The following FNBP1 variants were observed in gnomAD, a reference collection of about 807,000 sequenced individuals.
FNBP1 encodes the protein formin binding protein 1.
A neutral mutation model predicts 90.6 loss-of-function variants in FNBP1; 26 were observed. That is an observed-to-expected ratio of 0.29 (90% confidence interval 0.21 to 0.40). The LOEUF is 0.40. Ranked by LOEUF, FNBP1 falls within the 10% of genes least tolerant of loss-of-function variation. The pLI is 1.00. For missense variants in FNBP1, 635 were observed against 768.0 expected, an observed-to-expected ratio of 0.83 and a Z score of 2.05; for synonymous variants, 260 against 265.2, an observed-to-expected ratio of 0.98 and a Z score of 0.19.
At chr9:130,044,620 C>T (rs983144964), upstream of FNBP1, 1 of 151,456 alleles carries the variant, frequency 6.6e-6, no homozygotes, top group African/African-American at 2.4e-5. Flanking sequence ...CAGAGCAAGA[C>T]CCTGTCTCAA....
At chr9:130,046,983 A>C (rs897804586), upstream of FNBP1, among the ~76,000 whole-genome samples, 5 of 152,096 alleles carry the variant, frequency 3.3e-5, no homozygotes, top group Non-Finnish European at 7.4e-5. Context: ...TTCGTCAAAA[A>C]AGACAGATCA....
intron 4 of FNBP1, 111 bp downstream of exon 4, chr9:129,978,354 G>A (rs2050676319): frequency 1.1e-6 from 1 of 888,980 alleles, no homozygotes; most frequent in African/African-American, 1.7e-5. Context: ...TCAAAGGTAT[G>A]AGTTTAAGAC....
At chr9:129,935,697 C>T (rs2043330956) in intron 6 of FNBP1, among the ~76,000 whole-genome samples, 2 of 152,074 alleles carry the variant, frequency 1.3e-5, no homozygotes, top group African/African-American at 2.4e-5. Flanking sequence ...CCTTGTTAGC[C>T]AGGATGGTCT....
In FNBP1 at chr9:129,938,124, C is replaced by T. The variant is rs1465268556; in HGVS notation, c.514-8429G>A. Among the ~76,000 whole-genome samples, 3 of 152,220 alleles carry T rather than the reference C, an allele frequency of 2.0e-5. No individual in the cohort carries two copies. In the East Asian group the frequency reaches 5.8e-4, roughly 29 times the overall value. On this transcript the variant is annotated intron_variant, in intron 6 of 16. Coordinates refer to ENST00000446176, the MANE Select transcript of FNBP1 (RefSeq NM_015033.3). ...GTTGCACTGAGCCGAGATTGAGCCA[C>T]TGCACTCCAGCCTGGGCAACAGAGT...
chr9:130,053,617 C>T, the FNBP1 span: 3 of 410,246 alleles, frequency 7.3e-6, no homozygotes. Flanking sequence ...TCCCCGGAGC[C>T]CAAGGTCGCT....
chr9:129,897,222 T>C (rs924582709), intron 15 of FNBP1, among the ~76,000 whole-genome samples: 2 of 152,202 alleles, frequency 1.3e-5, no homozygotes, highest in African/African-American at 4.8e-5. Context: ...TATATGCAGT[T>C]TGTCAATGGC....
At chr9:129,998,262 G>A (rs560414226) in intron 1 of FNBP1, among the ~76,000 whole-genome samples, 1 of 150,948 alleles carries the variant, frequency 6.6e-6, no homozygotes, top group South Asian at 2.1e-4. Context: ...CCAGCACTTT[G>A]GGAGGCTGAG....
chr9:130,006,839 G>C (rs982409932), intron 1 of FNBP1, among the ~76,000 whole-genome samples: 1 of 152,068 alleles, frequency 6.6e-6, no homozygotes, highest in African/African-American at 2.4e-5. Flanking sequence ...CACGAGATAA[G>C]AATGTAAGCA....
upstream of FNBP1, among the ~76,000 whole-genome samples, chr9:130,048,074 C>A (rs540026546): frequency 2.0e-5 from 3 of 151,912 alleles, no homozygotes; most frequent in South Asian, 6.3e-4. Context: ...AATCCCAACA[C>A]TTTAGGAGGC....
intron 4 of FNBP1, among the ~76,000 whole-genome samples, chr9:129,960,660 G>C (rs1490860775): frequency 6.6e-6 from 1 of 152,030 alleles, no homozygotes; most frequent in African/African-American, 2.4e-5. Flanking sequence ...GGTCTTGTAG[G>C]CTTTTTTGCC....
the FNBP1 span, among the ~76,000 whole-genome samples, chr9:130,049,168 C>T: frequency 2.6e-5 from 4 of 152,118 alleles, no homozygotes; most frequent in African/African-American, 9.7e-5. Flanking sequence ...CCAGGCAGAT[C>T]GCTTGAGACC....
intron 4 of FNBP1, among the ~76,000 whole-genome samples, chr9:129,960,466 G>C (rs1564439047): frequency 6.6e-6 from 1 of 151,512 alleles, no homozygotes; most frequent in East Asian, 1.9e-4. Context: ...AGAGTTTTGA[G>C]TGTTTTGTGT....
intron 1 of FNBP1, among the ~76,000 whole-genome samples, chr9:130,018,588 C>T (rs1564588493): frequency 6.6e-6 from 1 of 151,180 alleles, no homozygotes; most frequent in Non-Finnish European, 1.5e-5. Context: ...TATTTAGAGA[C>T]AGTCTCACTC....
At chr9:130,032,439 G>A (rs1020492464) in intron 1 of FNBP1, among the ~76,000 whole-genome samples, 1 of 152,134 alleles carries the variant, frequency 6.6e-6, no homozygotes, top group Admixed American at 6.6e-5. Flanking sequence ...CCCAAATGCT[G>A]GGATTACAGG....
chr9:129,948,028 C>A (rs1197811384), intron 6 of FNBP1, among the ~76,000 whole-genome samples: 1 of 151,262 alleles, frequency 6.6e-6, no homozygotes, highest in Non-Finnish European at 1.5e-5. Context: ...GTGGCTCACA[C>A]CTATAATCTC....
At chr9:129,905,294 G>GTGTATATA (rs374989661) in intron 12 of FNBP1, among the ~76,000 whole-genome samples, 66 of 132,344 alleles carry the variant, frequency 5.0e-4, no homozygotes, top group African/African-American at 1.3e-3. Context: ...GTGTGTGTGT[G>GTGTATATA]TATATATATA....
intron 7 of FNBP1, among the ~76,000 whole-genome samples, chr9:129,928,749 GATTA>G (rs1208106636): frequency 6.6e-6 from 1 of 151,974 alleles, no homozygotes; most frequent in Non-Finnish European, 1.5e-5. Flanking sequence ...CAAAGTTATT[GATTA>G]ATCTTGAGAT....
At chr9:129,987,156 T>C (rs2052405686) in intron 2 of FNBP1, among the ~76,000 whole-genome samples, 1 of 152,082 alleles carries the variant, frequency 6.6e-6, no homozygotes, top group Non-Finnish European at 1.5e-5. Context: ...AGAGAAAGTG[T>C]GACCAGAGAC....
At chr9:129,964,641 A>G (rs1448615006) in intron 4 of FNBP1, among the ~76,000 whole-genome samples, 10 of 152,068 alleles carry the variant, frequency 6.6e-5, no homozygotes, top group Non-Finnish European at 1.2e-4. Flanking sequence ...AGCAAGCATT[A>G]ACTTTAAGAA....
Sources: gnomAD v4.1 joint callset for allele counts (sites outside exome capture counted in the v4.1 genomes callset) on GRCh38, gnomAD v4.1.1 for gene constraint, MANE v1.5 for transcripts, NCBI Gene and HGNC (gene_info 2026-07-23, HGNC 2026-07-21) for gene names.